RASGRP3: variants seen among roughly 807,000 people sequenced by gnomAD.
The protein encoded by RASGRP3 is ras guanyl-releasing protein 3.
Under a neutral mutation model 82.7 loss-of-function variants are expected in RASGRP3, and 54 were observed. The ratio of observed to expected loss-of-function variants is 0.65; its 90% CI spans 0.52 to 0.82. RASGRP3 has a LOEUF of 0.82. RASGRP3 is among the 40% of genes least tolerant of loss of function. The probability of loss-of-function intolerance (pLI) is 0.00; values close to 1 mark genes in which losing one functional copy is unlikely to be tolerated. For missense variants in RASGRP3, 861 were observed against 828.9 expected (o/e 1.04, Z -0.48); for synonymous variants, 309 against 300.5 (o/e 1.03, Z -0.29).
chr2:33,472,355 T>A (rs1667106856), upstream of RASGRP3, among the ~76,000 whole-genome samples: 1 of 151,904 alleles, frequency 6.6e-6, no homozygotes, highest in Non-Finnish European at 1.5e-5. Flanking sequence ...GCCCTGAAGG[T>A]TCTGGGAATA....
intron 1 of RASGRP3, chr2:33,481,606 T>A (rs560630832): frequency 6.6e-6 from 1 of 152,354 alleles, no homozygotes; most frequent in East Asian, 1.9e-4. Context: ...ATAACCGATT[T>A]GCGACATGCC....
chr2:33,522,707 A>T (rs1464914269), intron 7 of RASGRP3, among the ~76,000 whole-genome samples: 1 of 152,146 alleles, frequency 6.6e-6, no homozygotes, highest in Non-Finnish European at 1.5e-5. Flanking sequence ...CATTTTCCAC[A>T]CTGGTTCACA....
chr2:33,515,321 G>C (rs527318101), intron 3 of RASGRP3, 115 bp downstream of exon 3: 1 of 1,116,032 alleles, frequency 9.0e-7, no homozygotes, highest in Non-Finnish European at 1.3e-6. Flanking sequence ...TGGTATTTAA[G>C]GCCTTTCGGA....
intron 13 of RASGRP3, among the ~76,000 whole-genome samples, chr2:33,547,479 T>C (rs1161263166): frequency 1.4e-5 from 2 of 147,644 alleles, no homozygotes; most frequent in Non-Finnish European, 1.5e-5. Context: ...TGGGGGAAAA[T>C]TGTGGCACAG....
chr2:33,488,276 A>G (rs1345248353), intron 1 of RASGRP3, among the ~76,000 whole-genome samples: 1 of 152,228 alleles, frequency 6.6e-6, no homozygotes, highest in Non-Finnish European at 1.5e-5. Context: ...AAAGAAACTG[A>G]CACCTAGAAA....
intron 1 of RASGRP3, among the ~76,000 whole-genome samples, chr2:33,508,380 G>A (rs550740211): frequency 2.0e-5 from 3 of 152,278 alleles, no homozygotes; most frequent in South Asian, 4.1e-4. Context: ...GGAGGAAGAG[G>A]CAGAAGAGTG....
At chr2:33,548,253 C>CG (rs1675002659) in intron 13 of RASGRP3, among the ~76,000 whole-genome samples, 1 of 147,110 alleles carries the variant, frequency 6.8e-6, no homozygotes, top group African/African-American at 2.5e-5. Flanking sequence ...CCCAGCTACT[C>CG]GGGAGGCTGA....
chr2:33,454,272 G>A (rs933473921), intron 2 of RASGRP3, among the ~76,000 whole-genome samples: 1 of 152,188 alleles, frequency 6.6e-6, no homozygotes, highest in Admixed American at 6.5e-5. Flanking sequence ...CCAGAGAGGA[G>A]TGAGTCAATT....
At chr2:33,548,945 T>C (rs1324209549) in intron 13 of RASGRP3, among the ~76,000 whole-genome samples, 1 of 152,144 alleles carries the variant, frequency 6.6e-6, no homozygotes, top group Non-Finnish European at 1.5e-5. Context: ...CACCTTGGCC[T>C]CCCAAAGTGC....
intron 1 of RASGRP3, among the ~76,000 whole-genome samples, chr2:33,479,281 A>G (rs1162452648): frequency 6.6e-6 from 1 of 152,164 alleles, no homozygotes; most frequent in Non-Finnish European, 1.5e-5. Context: ...AAAATAGTTC[A>G]GTGACGGTCT....
intron 2 of RASGRP3, among the ~76,000 whole-genome samples, chr2:33,463,062 C>T (rs17013034): frequency 0.14 from 21,825 of 152,152 alleles, 1,702 homozygotes; most frequent in African/African-American, 0.2. Flanking sequence ...AACTTTACCA[C>T]TCATCTGCGT....
intron 1 of RASGRP3, among the ~76,000 whole-genome samples, chr2:33,500,779 C>A (rs192853015): frequency 5.5e-4 from 84 of 152,148 alleles, no homozygotes; most frequent in African/African-American, 1.9e-3. Context: ...AATAAAAATA[C>A]AAAAAGTAGC....
At chr2:33,560,890 T>G (rs904153666) in intron 17 of RASGRP3, among the ~76,000 whole-genome samples, 3 of 152,238 alleles carry the variant, frequency 2.0e-5, no homozygotes, top group African/African-American at 7.2e-5. Flanking sequence ...TTAGGAGAAA[T>G]TCACAGCCTG....
chr2:33,537,320 A>ACC lies in RASGRP3; in HGVS notation c.1162-1773_1162-1772dup, dbSNP rs1266542679. 7.6e-3 allele frequency among the ~76,000 whole-genome samples: 252 copies of ACC among 33,244 alleles called. 2 individuals carry two copies. The highest frequency in any genetic ancestry group is 0.016 in the Middle Eastern group (1 of 64). 21.8% of individuals were successfully genotyped at this position (33,244 alleles called of 152,430 possible). ...GTCTCTAAAATACACACACACACAC[A>ACC]CCGCCCCCCCCACACACACACACAA... On this transcript the variant is annotated intron_variant, in intron 11 of 17. Transcript: ENST00000403687.
At chr2:33,490,260 A>G (rs1334154208) in intron 1 of RASGRP3, among the ~76,000 whole-genome samples, 2 of 152,134 alleles carry the variant, frequency 1.3e-5, no homozygotes, top group Non-Finnish European at 2.9e-5. Flanking sequence ...TTTGCTTGCC[A>G]CAACCTCTGC....
chr2:33,530,154 C>T (rs955153252), intron 10 of RASGRP3, among the ~76,000 whole-genome samples: 1 of 152,142 alleles, frequency 6.6e-6, no homozygotes, highest in African/African-American at 2.4e-5. Flanking sequence ...CCAATGCATG[C>T]GAAGGCATCC....
In RASGRP3 at chr2:33,465,839, GC is replaced by G. The variant is rs552419765; in HGVS notation, c.-261+17899del. On this transcript the variant is annotated intron_variant, in intron 2 of 18. Transcript: ENST00000402538. ...CATTTGCCAATCTGATAATCCTAGG[GC>G]CCTTAAGAATCATGCTAAATCTATT... is the stretch of plus-strand genomic sequence containing the variant. 3.3e-3 allele frequency among the ~76,000 whole-genome samples: 507 copies of G among 152,178 alleles called. 1 individual carries two copies. Among genetic ancestry groups the G allele is most frequent in the Non-Finnish European group, 5.6e-3 (384 of 67,992 alleles).
chr2:33,534,039 A>AT (rs1673357125), intron 10 of RASGRP3: 1 of 375,184 alleles, frequency 2.7e-6, no homozygotes, highest in African/African-American at 2.0e-5. Context: ...GAAACATCAC[A>AT]TATCCCTCAT....
At chr2:33,473,886 G>T (rs537247457), upstream of RASGRP3, among the ~76,000 whole-genome samples, 8 of 152,318 alleles carry the variant, frequency 5.3e-5, no homozygotes, top group African/African-American at 1.9e-4. Context: ...CCGGGAATGA[G>T]GGGATGGAGA....
Sources: gnomAD v4.1 joint callset for allele counts (sites outside exome capture counted in the v4.1 genomes callset) on GRCh38, gnomAD v4.1.1 for gene constraint, MANE v1.5 for transcripts, NCBI Gene and HGNC (gene_info 2026-07-23, HGNC 2026-07-21) for gene names.